The following SREK1 variants were observed in gnomAD, a reference collection of about 807,000 sequenced individuals.
The protein encoded by SREK1 is splicing regulatory glutamine/lysine-rich protein 1.
Under a neutral mutation model 66.5 loss-of-function variants are expected in SREK1, and 13 were observed. The ratio of observed to expected loss-of-function variants is 0.20; its 90% CI spans 0.13 to 0.31. SREK1 has a LOEUF of 0.31. Ranked by LOEUF, SREK1 falls within the 10% of genes least tolerant of loss-of-function variation. The pLI, the probability that SREK1 is intolerant of heterozygous loss-of-function variation, is 1.00. For missense variants in SREK1, 607 were observed against 769.6 expected (o/e 0.79, Z 2.50); for synonymous variants, 265 against 263.5 (o/e 1.01, Z -0.05).
Position 66,144,925 on chromosome 5 carries a change from G to C in SREK1, c.161+388G>C, listed in dbSNP as rs150865367. ...AGAGCGTTTTTCCACTCTGAAAATC[G>C]CGGAGACCGCGCCTGAGCCACAGTC... On this transcript the variant is annotated intron_variant, in intron 1 of 11. Transcript: ENST00000334121. 6.7e-4 allele frequency: 668 copies of C among 993,320 alleles called. 5 individuals are homozygous for C. In the African/African-American group the frequency reaches 0.011, roughly 16 times the overall value. 61.5% of individuals were successfully genotyped at this position (993,320 alleles called of 1,614,324 possible).
chr5:66,172,087 A>G (rs985112474), intron 9 of SREK1, among the ~76,000 whole-genome samples: 3 of 152,342 alleles, frequency 2.0e-5, no homozygotes, highest in South Asian at 4.1e-4. Flanking sequence ...TAAACAGATC[A>G]CTGCTGGATT....
chr5:66,172,171 C>G (rs570685725), intron 9 of SREK1, among the ~76,000 whole-genome samples: 110 of 152,296 alleles, frequency 7.2e-4, no homozygotes, highest in Non-Finnish European at 1.2e-3. Context: ...AGCCTTGTAA[C>G]CACACCTTTA....
rs1169076425 is a variant in SREK1 at position 66,164,028 on chromosome 5, CAA to C, written c.886+107_886+108del. ...TTGTTCAGTCACTTCATTTTACAAA[CAA>C]GAAGACTGAAACTCAAGAAATAGTA... On this transcript the variant is annotated intron_variant, in intron 6 of 11. Coordinates refer to ENST00000334121, the MANE Select transcript of SREK1 (RefSeq NM_001077199.3). 3.0e-6 allele frequency: 4 copies of C among 1,352,992 alleles called. No individual in the cohort carries two copies. In the Admixed American group the frequency reaches 9.3e-5, roughly 32 times the overall value. 83.8% of individuals were successfully genotyped at this position (1,352,992 alleles called of 1,614,324 possible).
chr5:66,157,808 A>G (rs1744417877), intron 2 of SREK1: 2 of 662,630 alleles, frequency 3.0e-6, no homozygotes, highest in East Asian at 2.7e-4. Context: ...CCTATAAATA[A>G]GGCATAGCCA....
At chr5:66,174,662 T>C (rs1326558001) in intron 9 of SREK1, 2 of 231,028 alleles carry the variant, frequency 8.7e-6, no homozygotes, top group Non-Finnish European at 1.7e-5. Context: ...TTTTTTCTAC[T>C]GAAGAAATTG....
intron 11 of SREK1, among the ~76,000 whole-genome samples, chr5:66,178,448 G>A (rs781191608): frequency 3.3e-5 from 5 of 151,918 alleles, no homozygotes; most frequent in East Asian, 3.9e-4. Flanking sequence ...ATCTGTCTCC[G>A]TTTTTCAAGT....
intron 1 of SREK1, among the ~76,000 whole-genome samples, chr5:66,151,065 T>A (rs1479208611): frequency 6.6e-6 from 1 of 152,200 alleles, no homozygotes; most frequent in African/African-American, 2.4e-5. Context: ...GGTCTCAAAC[T>A]CCTGACATCA....
intron 9 of SREK1, among the ~76,000 whole-genome samples, chr5:66,172,373 A>G (rs1046356271): frequency 3.3e-5 from 5 of 152,258 alleles, no homozygotes; most frequent in African/African-American, 7.2e-5. Context: ...GGAAAGTTCA[A>G]GTGTTCACAT....
intron 1 of SREK1, among the ~76,000 whole-genome samples, chr5:66,152,515 A>G (rs1435579395): frequency 6.6e-6 from 1 of 152,190 alleles, no homozygotes. Context: ...GCGATTTACT[A>G]GTTCTGGAAT....
At chr5:66,145,543 T>C (rs967076883) in intron 1 of SREK1, among the ~76,000 whole-genome samples, 1 of 152,100 alleles carries the variant, frequency 6.6e-6, no homozygotes, top group African/African-American at 2.4e-5. Context: ...TATCTCAGGT[T>C]ATAACAGTGC....
chr5:66,152,520 T>A (rs1347869971), intron 1 of SREK1, among the ~76,000 whole-genome samples: 1 of 152,160 alleles, frequency 6.6e-6, no homozygotes, highest in African/African-American at 2.4e-5. Context: ...TTACTAGTTC[T>A]GGAATTGTAG....
chr5:66,157,413 G>GTTTAC (rs1286099295), intron 2 of SREK1: 28 of 984,678 alleles, frequency 2.8e-5, no homozygotes, highest in Non-Finnish European at 3.4e-5. Flanking sequence ...AGAACTCTGA[G>GTTTAC]TTTCCTTAGG....
intron 5 of SREK1, 108 bp from the exon 6 acceptor site, chr5:66,163,684 G>T: frequency 8.7e-7 from 1 of 1,149,898 alleles, no homozygotes; most frequent in African/African-American, 1.6e-5. Context: ...ATTCTTACGT[G>T]CTTCTGAGAT....
In SREK1 at chr5:66,179,777, A is replaced by G. The variant is rs976424133; in HGVS notation, c.*909A>G. 4 of 152,652 alleles carry G rather than the reference A, an allele frequency of 2.6e-5. No homozygotes were observed. The highest frequency in any genetic ancestry group is 1.9e-4 in the East Asian group (1 of 5,194). The allele number at this position is 152,652 out of a possible 1,614,324, so 9.5% of individuals were successfully genotyped here. On this transcript the variant is annotated 3_prime_UTR_variant, in exon 12 of 12. Transcript: ENST00000334121. ...GCTTTAGTGCCTTCTACAATGTGGT[A>G]TACTGTTTTCTAGAATTTTATATGT... is the stretch of plus-strand genomic sequence containing the variant.
In SREK1 at chr5:66,162,504, C is replaced by T. The variant is rs1427832238; in HGVS notation, c.667C>T (p.Arg223Trp). 2 of 1,613,964 alleles carry T rather than the reference C, an allele frequency of 1.2e-6. No individual in the cohort carries two copies. Among genetic ancestry groups the T allele is most frequent in the Non-Finnish European group, 1.7e-6 (2 of 1,179,984 alleles). ...GGCAGGTGATGAGACTCAGCCAACT[C>T]GGTTTGCTTTTGTGGAATTTGCAGA... ...RMAGDETQPT[R>W]FAFVEFADQN... is the part of the protein sequence containing the mutation. The change falls in exon 5 of 12, where the codon CGG (arginine) becomes TGG (tryptophan). Residue 223 changes from arginine (R) to tryptophan (W), a missense_variant. Physicochemically the swap from Arg to Trp is moderately radical, Grantham distance 101 (BLOSUM62 -3). Coordinates refer to ENST00000334121, the MANE Select transcript of SREK1 (RefSeq NM_001077199.3).
At chr5:66,145,738 C>T (rs978037913) in intron 1 of SREK1, among the ~76,000 whole-genome samples, 1 of 149,040 alleles carries the variant, frequency 6.7e-6, no homozygotes, top group African/African-American at 2.5e-5. Context: ...TTAAAATTTC[C>T]CCAGTTATTT....
At position 66,180,163 on chromosome 5, in the gene SREK1, T is replaced by C. The variant is rs1332942085; in HGVS notation, c.*1295T>C. 3 of 152,532 alleles carry C rather than the reference T, an allele frequency of 2.0e-5. No individual in the cohort carries two copies. Among genetic ancestry groups the C allele is most frequent in the Admixed American group, 6.6e-5 (1 of 15,256 alleles). The allele number at this position is 152,532 out of a possible 1,614,324, so 9.4% of individuals were successfully genotyped here. ...TTTTATGTTTAAGGATACGTTTACTTGAGTTTAAGATACAGGTCATCCATC... is the reference window on the plus strand; with the variant it reads ...TTTTATGTTTAAGGATACGTTTACTCGAGTTTAAGATACAGGTCATCCATC... On this transcript the variant is annotated 3_prime_UTR_variant, in exon 12 of 12. Coordinates refer to ENST00000334121, the MANE Select transcript of SREK1 (RefSeq NM_001077199.3).
Position 66,144,450 on chromosome 5 carries a change from ATCTG to A in SREK1, c.77_80del (p.Leu26ArgfsTer4). 1 of 1,552,162 alleles carries A rather than the reference ATCTG, an allele frequency of 6.4e-7. No individual in the cohort carries two copies. The highest frequency in any genetic ancestry group is 8.7e-7 in the Non-Finnish European group (1 of 1,147,212). On this transcript the variant is annotated frameshift_variant, in exon 1 of 12. Coordinates refer to ENST00000334121, the MANE Select transcript of SREK1 (RefSeq NM_001077199.3). LOFTEE classifies it high-confidence loss of function. ...CCCACGTCGGTGATTCAGGTGACGA[ATCTG>A]TCGTCGGCGGTGACCAGCGAGCAGA...
chr5:66,154,893 A>G (rs1744149579), intron 2 of SREK1, among the ~76,000 whole-genome samples: 1 of 152,212 alleles, frequency 6.6e-6, no homozygotes, highest in Admixed American at 6.5e-5. Flanking sequence ...GTTTCGTTCT[A>G]CAAACTTTGT....
Sources: allele counts gnomAD v4.1 joint callset (sites outside exome capture counted in the v4.1 genomes callset), GRCh38; gene constraint gnomAD v4.1.1; transcripts MANE v1.5; gene names NCBI Gene and HGNC (gene_info 2026-07-23, HGNC 2026-07-21).